Variants in ANKRD11 observed in about 807,000 individuals in gnomAD.
ANKRD11 encodes ankyrin repeat domain-containing protein 11.
A neutral mutation model predicts 195.7 loss-of-function variants in ANKRD11; 17 were observed. That is an observed-to-expected ratio of 0.09 (90% CI 0.06 to 0.13). The LOEUF (loss-of-function observed/expected upper bound fraction) is 0.13. ANKRD11 is among the 10% of genes least tolerant of loss of function. The probability of loss-of-function intolerance (pLI) is 1.00; values close to 1 mark genes in which losing one functional copy is unlikely to be tolerated. For synonymous variants in ANKRD11, 1,953 were observed against 1,528.1 expected (o/e 1.28, Z -6.49); for missense variants, 3,735 against 3,566.1 (o/e 1.05, Z -1.21).
intron 1 of ANKRD11, among the ~76,000 whole-genome samples, chr16:89,457,020 C>T (rs1446808858): frequency 7.0e-6 from 1 of 143,422 alleles, no homozygotes; most frequent in African/African-American, 2.6e-5. Context: ...AGTGCAGTGG[C>T]GCAATCTCGG....
chr16:89,427,473 A>T (rs756754920), intron 1 of ANKRD11, among the ~76,000 whole-genome samples: 5 of 152,238 alleles, frequency 3.3e-5, no homozygotes, highest in Admixed American at 2.0e-4. Flanking sequence ...CTTTTTCTTA[A>T]AACTTTTTTC....
Position 89,282,111 on chromosome 16 carries a change from C to G in ANKRD11, c.4431G>C (p.Arg1477=). 2 of 1,614,112 alleles carry G rather than the reference C, an allele frequency of 1.2e-6. No homozygotes were observed. Among genetic ancestry groups the G allele is most frequent in the Non-Finnish European group, 1.7e-6 (2 of 1,180,008 alleles). ...GCAGCAGCCCATCCGCATGCCTGTC[C>G]CGGTGCCTCTCCTTCTCGTCTCTCC... ...EKWRDEKERH[R]DRHADGLLRH... is the part of the protein sequence containing the mutation. Residue 1477 remains arginine, a synonymous_variant, in exon 9 of 13, where the codon CGG becomes CGC. Coordinates refer to ENST00000301030, the MANE Select transcript of ANKRD11 (RefSeq NM_013275.6).
Position 89,274,895 on chromosome 16 carries a change from G to A in ANKRD11, c.7632C>T (p.Thr2544=), listed in dbSNP as rs761658762. The A allele has an allele frequency of 6.2e-7, 1 of 1,613,624 alleles. No homozygotes were observed. The highest frequency in any genetic ancestry group is 1.1e-5 in the South Asian group (1 of 91,088). Residue 2544 remains threonine (T), a synonymous_variant, in exon 11 of 13, where the codon ACC becomes ACT. Transcript: ENST00000301030. ...TGAATGGCACTGCCTGGTTGGCGAT[G>A]GTCCTGGCCGCCCGGCAGTGAACCC... is the stretch of plus-strand genomic sequence containing the variant. ...ILRVHCRAAR[T]IANQAVPFSA... is the part of the protein sequence containing the mutation.
chr16:89,490,427 C>A lies in ANKRD11; in HGVS notation c.-327G>T. Reference sequence around the variant, plus strand: ...GCGGGAGGCGAGCCCGCCCCTCGGGCGCGCCCACGGCTCGGGCGAGAGCCG... The same window carrying A: ...GCGGGAGGCGAGCCCGCCCCTCGGGAGCGCCCACGGCTCGGGCGAGAGCCG... On this transcript the variant is annotated 5_prime_UTR_variant, in exon 1 of 13. Transcript: ENST00000301030. The A allele has an allele frequency of 3.1e-6, 1 of 320,848 alleles. No individual in the cohort carries two copies. Among genetic ancestry groups the A allele is most frequent in the Non-Finnish European group, 5.7e-6 (1 of 176,048 alleles). The allele number at this position is 320,848 out of a possible 1,614,324, so 19.9% of individuals were successfully genotyped here.
intron 2 of ANKRD11, among the ~76,000 whole-genome samples, chr16:89,327,226 T>A (rs1301283862): frequency 2.0e-5 from 3 of 152,144 alleles, no homozygotes; most frequent in African/African-American, 7.2e-5. Flanking sequence ...AAACACCACA[T>A]AATCACAACT....
chr16:89,279,055 C>T lies in ANKRD11; in HGVS notation c.7470+17G>A. ...CCAGAGAGAGAAGGCAGTGGCTCTC[C>T]CGGGCCCCGCACTCACCACGGGGAT... On this transcript the variant is annotated intron_variant, in intron 9 of 12. Coordinates refer to ENST00000301030, the MANE Select transcript of ANKRD11 (RefSeq NM_013275.6). This position sits in a 1 kb window ranked among gnomAD's most constrained non-coding sequence, Gnocchi z 5.6. The T allele has an allele frequency of 6.2e-7, 1 of 1,613,410 alleles. No individual in the cohort carries two copies.
intron 2 of ANKRD11, among the ~76,000 whole-genome samples, chr16:89,349,466 C>T (rs756482101): frequency 5.9e-5 from 9 of 151,974 alleles, no homozygotes; most frequent in East Asian, 1.9e-4. Flanking sequence ...GGCGACAGAG[C>T]GAGACTCATC....
intron 2 of ANKRD11, among the ~76,000 whole-genome samples, chr16:89,413,153 A>G (rs1438167054): frequency 6.6e-6 from 1 of 152,224 alleles, no homozygotes; most frequent in African/African-American, 2.4e-5. Context: ...AGCATCTTCT[A>G]TAAGTTACTG....
At chr16:89,415,794 C>G (rs997625432) in intron 2 of ANKRD11, among the ~76,000 whole-genome samples, 4 of 129,062 alleles carry the variant, frequency 3.1e-5, no homozygotes, top group African/African-American at 1.2e-4. Flanking sequence ...CACCACTACA[C>G]TCCAGGCCCT....
In ANKRD11 at chr16:89,401,007, G is replaced by A. The variant is rs567509797; in HGVS notation, c.-60+17277C>T. 2.4e-4 allele frequency among the ~76,000 whole-genome samples: 37 copies of A among 152,320 alleles called. No individual in the cohort carries two copies. The South Asian group carries it at 7.7e-3, about 32-fold the overall frequency. On this transcript the variant is annotated intron_variant, in intron 2 of 12. Coordinates refer to ENST00000301030, the MANE Select transcript of ANKRD11 (RefSeq NM_013275.6). ...ATGGCACCCAAGACCAAGATGGAAAGGGAGGCCCCGCGTGTGGGTGGACAA... is the reference window on the plus strand; with the variant it reads ...ATGGCACCCAAGACCAAGATGGAAAAGGAGGCCCCGCGTGTGGGTGGACAA...
At chr16:89,372,315 C>G (rs894790252) in intron 2 of ANKRD11, among the ~76,000 whole-genome samples, 1 of 152,168 alleles carries the variant, frequency 6.6e-6, no homozygotes, top group African/African-American at 2.4e-5. Context: ...GCGGCAGCGC[C>G]CAGCGACGGA....
chr16:89,412,932 A>C (rs2042155284), intron 2 of ANKRD11, among the ~76,000 whole-genome samples: 1 of 152,196 alleles, frequency 6.6e-6, no homozygotes. Flanking sequence ...AGGTCCCAGC[A>C]CTCAGAGCCG....
chr16:89,338,323 C>A (rs899731918), intron 2 of ANKRD11, among the ~76,000 whole-genome samples: 1 of 151,814 alleles, frequency 6.6e-6, no homozygotes, highest in Admixed American at 6.6e-5. Flanking sequence ...AGGACAGCCA[C>A]CTGCTTACAG....
intron 1 of ANKRD11, among the ~76,000 whole-genome samples, chr16:89,446,105 T>C (rs1597433852): frequency 6.9e-6 from 1 of 145,622 alleles, no homozygotes; most frequent in Admixed American, 6.9e-5. Flanking sequence ...CCACCATCTT[T>C]AAAAAAAAAA....
At chr16:89,318,226 G>T (rs1421465598) in intron 2 of ANKRD11, among the ~76,000 whole-genome samples, 1 of 152,170 alleles carries the variant, frequency 6.6e-6, no homozygotes, top group African/African-American at 2.4e-5. Flanking sequence ...CGCCTGGCAT[G>T]GACACTCTCG....
intron 4 of ANKRD11, chr16:89,300,379 A>G (rs1419864928): frequency 5.0e-6 from 1 of 198,928 alleles, no homozygotes; most frequent in African/African-American, 2.4e-5. Flanking sequence ...CCACTGGTCC[A>G]CGGCACACTG....
At chr16:89,324,607 C>A (rs562566285) in intron 2 of ANKRD11, 52 of 435,320 alleles carry the variant, frequency 1.2e-4, no homozygotes, top group African/African-American at 1.0e-3. Flanking sequence ...GCCAGCACGG[C>A]AGATCTGCGG....
intron 2 of ANKRD11, chr16:89,323,070 T>C (rs550792666): frequency 6.6e-6 from 2 of 303,326 alleles, no homozygotes; most frequent in African/African-American, 4.6e-5. Context: ...GTCTGAAGGA[T>C]GCTTTACGGC....
At chr16:89,346,250 GAAA>G (rs35573539) in intron 2 of ANKRD11, among the ~76,000 whole-genome samples, 2 of 96,878 alleles carry the variant, frequency 2.1e-5, no homozygotes, top group Non-Finnish European at 3.9e-5. Flanking sequence ...CCCGTCTCAG[GAAA>G]AAAAAAAAAA....
Sources: gnomAD v4.1 joint callset for allele counts (sites outside exome capture counted in the v4.1 genomes callset) on GRCh38, gnomAD v4.1.1 for gene constraint, Gnocchi (gnomAD v3.1) non-coding constraint, MANE v1.5 for transcripts, NCBI Gene and HGNC (gene_info 2026-07-23, HGNC 2026-07-21) for gene names.